Variants in NEDD4 observed in about 807,000 individuals in gnomAD.
NEDD4 encodes E3 ubiquitin-protein ligase NEDD4.
In NEDD4, 99 loss-of-function variants were observed where a neutral mutation model predicts 144.9. That is an observed-to-expected ratio of 0.68 (90% CI 0.58 to 0.81). The LOEUF is 0.81. Among genes scored for constraint, NEDD4 ranks in the 30% least tolerant of loss-of-function variants. NEDD4 has a pLI of 0.00. For synonymous variants in NEDD4, 318 were observed against 350.6 expected (o/e 0.91, Z 1.04); for missense variants, 985 against 1,065.9 (o/e 0.92, Z 1.06).
At chr15:55,850,368 A>G (rs547395530) in intron 14 of NEDD4, among the ~76,000 whole-genome samples, 174 bp downstream of exon 14, 3 of 152,236 alleles carry the variant, frequency 2.0e-5, no homozygotes, top group Non-Finnish European at 4.4e-5. Flanking sequence ...CAATATTAAA[A>G]AGACGCATAA....
Position 55,847,026 on chromosome 15 carries a change from G to A in NEDD4, c.1551C>T (p.Pro517=), listed in dbSNP as rs1226256162. 4.4e-6 allele frequency: 7 copies of A among 1,604,128 alleles called. No homozygotes were observed. The highest frequency in any genetic ancestry group is 6.0e-6 in the Non-Finnish European group (7 of 1,174,658). Residue 517 remains proline (P), a synonymous_variant, in exon 18 of 29, where the codon CCC becomes CCT. Transcript: ENST00000435532. ...ACTTTCTTTTGTAATCCCTGGAGTA[G>A]GGCACTGCCTTTAGTTGGAAATTTT... ...ENVAITGPAV[P]YSRDYKRKYE... is the part of the protein sequence containing the mutation.
intron 4 of NEDD4, among the ~76,000 whole-genome samples, chr15:55,938,722 G>A (rs763963842): frequency 2.0e-5 from 3 of 151,854 alleles, no homozygotes; most frequent in Non-Finnish European, 4.4e-5. Flanking sequence ...ATAAAGAGTT[G>A]ATCTCCAAAC....
At chr15:55,833,981 T>C (rs1385656349) in intron 26 of NEDD4, 57 bp downstream of exon 26, 2 of 1,267,800 alleles carry the variant, frequency 1.6e-6, no homozygotes, top group African/African-American at 1.5e-5. Context: ...AAGAGTTGAC[T>C]TAAATATGAT....
chr15:55,922,632 G>A (rs1475744710), intron 5 of NEDD4, among the ~76,000 whole-genome samples: 2 of 152,136 alleles, frequency 1.3e-5, no homozygotes, highest in African/African-American at 2.4e-5. Flanking sequence ...CAAAGTGCTG[G>A]GATTACAGGC....
chr15:55,869,964 G>C (rs1478712322), intron 7 of NEDD4, among the ~76,000 whole-genome samples: 1 of 152,122 alleles, frequency 6.6e-6, no homozygotes, highest in Non-Finnish European at 1.5e-5. Flanking sequence ...AAGAGAAGCT[G>C]GCCTTTGAGT....
At chr15:55,975,850 G>C (rs1253902846) in intron 1 of NEDD4, among the ~76,000 whole-genome samples, 2 of 152,080 alleles carry the variant, frequency 1.3e-5, no homozygotes, top group Middle Eastern at 3.2e-3. Flanking sequence ...GAACAAAATG[G>C]AGTCAAATTA....
intron 5 of NEDD4, among the ~76,000 whole-genome samples, chr15:55,899,028 T>C (rs1195094185): frequency 6.6e-6 from 1 of 152,184 alleles, no homozygotes; most frequent in African/African-American, 2.4e-5. Flanking sequence ...TAAGCACAAA[T>C]GATGCACAGT....
At chr15:55,840,839 C>T in intron 19 of NEDD4, 112 bp from the exon 20 acceptor site, 4 of 1,028,476 alleles carry the variant, frequency 3.9e-6, no homozygotes, top group Non-Finnish European at 5.7e-6. Flanking sequence ...AACCACATTC[C>T]TCCACTGGAT....
At chr15:55,882,865 T>C (rs1352194993) in intron 5 of NEDD4, among the ~76,000 whole-genome samples, 1 of 152,144 alleles carries the variant, frequency 6.6e-6, no homozygotes, top group Non-Finnish European at 1.5e-5. Context: ...CTGAAGAGCC[T>C]TAGGTCCTGA....
At chr15:55,859,546 A>T (rs1322628494) in intron 11 of NEDD4, among the ~76,000 whole-genome samples, 3 of 152,102 alleles carry the variant, frequency 2.0e-5, no homozygotes, top group African/African-American at 7.2e-5. Context: ...AAAATACAAA[A>T]ATTAGCTGGG....
chr15:55,940,785 G>T (rs1048965731), intron 4 of NEDD4, among the ~76,000 whole-genome samples: 1 of 151,800 alleles, frequency 6.6e-6, no homozygotes, highest in Non-Finnish European at 1.5e-5. Flanking sequence ...GCCTCTCGAA[G>T]TGCTGGTATT....
intron 9 of NEDD4, among the ~76,000 whole-genome samples, chr15:55,861,838 AG>A (rs1196327148): frequency 2.6e-5 from 4 of 152,200 alleles, no homozygotes; most frequent in Non-Finnish European, 5.9e-5. Flanking sequence ...ACATGAGCTC[AG>A]GCTAGTCAGA....
At chr15:55,930,254 C>T (rs1361908396) in intron 4 of NEDD4, among the ~76,000 whole-genome samples, 13 of 152,250 alleles carry the variant, frequency 8.5e-5, no homozygotes, top group African/African-American at 2.9e-4. Flanking sequence ...GCCTCCCAAC[C>T]TACAACACCG....
At chr15:55,976,733 C>A (rs879740014) in intron 1 of NEDD4, among the ~76,000 whole-genome samples, 1 of 151,706 alleles carries the variant, frequency 6.6e-6, no homozygotes, top group African/African-American at 2.4e-5. Context: ...GGGCTCACGC[C>A]GTTCTCCTGC....
At chr15:55,970,063 G>A (rs559227085) in intron 1 of NEDD4, among the ~76,000 whole-genome samples, 1 of 151,796 alleles carries the variant, frequency 6.6e-6, no homozygotes, top group Non-Finnish European at 1.5e-5. Flanking sequence ...GGCCTGGCAG[G>A]ACTCACCATC....
intron 4 of NEDD4, among the ~76,000 whole-genome samples, chr15:55,926,051 ATG>A: frequency 6.6e-6 from 1 of 152,056 alleles, no homozygotes; most frequent in Non-Finnish European, 1.5e-5. Flanking sequence ...CATATACAGT[ATG>A]TAAAATACAT....
intron 4 of NEDD4, among the ~76,000 whole-genome samples, chr15:55,924,938 T>G (rs1363010121): frequency 6.6e-6 from 1 of 152,106 alleles, no homozygotes; most frequent in Non-Finnish European, 1.5e-5. Context: ...TATGGTGGCA[T>G]GTGCCTGTAG....
chr15:55,899,232 A>T (rs564306715), intron 5 of NEDD4, among the ~76,000 whole-genome samples: 6 of 152,120 alleles, frequency 3.9e-5, no homozygotes, highest in Admixed American at 2.0e-4. Flanking sequence ...AGACTACATT[A>T]TGTAGTGGCA....
Position 55,893,735 on chromosome 15 carries a change from A to C in NEDD4, c.292-19727T>G, listed in dbSNP as rs575541197. Among the ~76,000 whole-genome samples, 27 of 150,530 alleles carry C rather than the reference A, an allele frequency of 1.8e-4. No homozygotes were observed. In the South Asian group the frequency reaches 2.8e-3, roughly 15 times the overall value. ...CCATATTTTTCTGCTTGCTGAATATAATAAAAACTATTATTTTAAATGAAC... is the reference window on the plus strand; with the variant it reads ...CCATATTTTTCTGCTTGCTGAATATCATAAAAACTATTATTTTAAATGAAC... On this transcript the variant is annotated intron_variant, in intron 5 of 28. Coordinates refer to ENST00000435532, the MANE Select transcript of NEDD4 (RefSeq NM_006154.4).
Sources: gnomAD v4.1 joint callset for allele counts (sites outside exome capture counted in the v4.1 genomes callset) on GRCh38, gnomAD v4.1.1 for gene constraint, MANE v1.5 for transcripts, NCBI Gene and HGNC (gene_info 2026-07-23, HGNC 2026-07-21) for gene names.